The following MMEL1 variants were observed in gnomAD, a reference collection of about 807,000 sequenced individuals.
MMEL1 encodes the protein membrane metalloendopeptidase like 1, also known as membrane metallo-endopeptidase-like 1.
In MMEL1, 98 loss-of-function variants were observed where a neutral mutation model predicts 117.1. The observed-to-expected ratio is 0.84, with a 90% CI of 0.71 to 0.99. MMEL1 has a LOEUF of 0.99. Ranked by LOEUF, MMEL1 falls within the 50% of genes least tolerant of loss-of-function variation. The probability of loss-of-function intolerance (pLI) is 0.00; values close to 1 mark genes in which losing one functional copy is unlikely to be tolerated. For missense variants in MMEL1, 1,014 were observed against 1,049.1 expected (o/e 0.97, Z 0.46); for synonymous variants, 390 against 415.1 (o/e 0.94, Z 0.74).
intron 17 of MMEL1, among the ~76,000 whole-genome samples, 162 bp downstream of exon 17, chr1:2,594,628 G>T (rs1173203589): frequency 1.3e-5 from 2 of 152,218 alleles, no homozygotes; most frequent in African/African-American, 4.8e-5. Context: ...AAAGCAGAGG[G>T]TGATGGGGGA....
chr1:2,591,689 G>A, intron 22 of MMEL1, 56 bp from the exon 23 acceptor site: 2 of 1,276,096 alleles, frequency 1.6e-6, no homozygotes, highest in South Asian at 1.2e-5. Context: ...GCCAGGAGGG[G>A]TGGGGGAGGG....
chr1:2,630,733 G>A (rs1638525175), intron 1 of MMEL1, among the ~76,000 whole-genome samples: 1 of 149,442 alleles, frequency 6.7e-6, no homozygotes, highest in African/African-American at 2.5e-5. Flanking sequence ...TTGTGCACGT[G>A]TGCGTGTGCT....
intron 2 of MMEL1, among the ~76,000 whole-genome samples, chr1:2,626,734 A>G (rs950546423): frequency 1.3e-5 from 2 of 152,276 alleles, no homozygotes; most frequent in Non-Finnish European, 2.9e-5. Flanking sequence ...TTATAACTTT[A>G]AAAATAATTA....
At chr1:2,604,942 G>C (rs575383910) in intron 9 of MMEL1, among the ~76,000 whole-genome samples, 4 of 152,188 alleles carry the variant, frequency 2.6e-5, no homozygotes, top group Non-Finnish European at 4.4e-5. Flanking sequence ...TCTGGGCTTG[G>C]TCATCCTTCA....
chr1:2,591,885 T>A (rs1200821675), intron 22 of MMEL1, 47 bp downstream of exon 22: 1 of 1,567,696 alleles, frequency 6.4e-7, no homozygotes, highest in Non-Finnish European at 8.8e-7. Flanking sequence ...CCTCCAGAGA[T>A]GAGTGGGGAA....
At chr1:2,605,489 G>A (rs773141640) in intron 9 of MMEL1, 69 bp downstream of exon 9, 27 of 1,396,132 alleles carry the variant, frequency 1.9e-5, no homozygotes, top group South Asian at 3.6e-5. Flanking sequence ...GGTGGGCAAC[G>A]GGAAGGCCAG....
In MMEL1 at chr1:2,594,849, G is replaced by A; in HGVS notation, c.1629C>T (p.Asn543=). ...EDLYFENSLQ[N]LKVGAQRSLR... is the part of the protein sequence containing the mutation. Reference sequence around the variant, plus strand: ...GGCTCCGCTGGGCGCCCACCTTGAGGTTCTGCAGACTGTTCTCAAAGTACA... The same window carrying A: ...GGCTCCGCTGGGCGCCCACCTTGAGATTCTGCAGACTGTTCTCAAAGTACA... The change falls in exon 17 of 24, where the codon AAC becomes AAT. Residue 543 remains asparagine (N), a synonymous_variant. Coordinates refer to ENST00000378412, the MANE Select transcript of MMEL1 (RefSeq NM_033467.4). The A allele has an allele frequency of 6.2e-7, 1 of 1,614,048 alleles. No individual in the cohort carries two copies. Among genetic ancestry groups the A allele is most frequent in the Non-Finnish European group, 8.5e-7 (1 of 1,180,006 alleles).
intron 2 of MMEL1, among the ~76,000 whole-genome samples, chr1:2,615,399 C>G (rs1228468253): frequency 1.3e-5 from 2 of 152,180 alleles, no homozygotes; most frequent in East Asian, 3.8e-4. Flanking sequence ...TAGGCTAATT[C>G]CAACTGAGGG....
chr1:2,593,754 T>G (rs981022017), intron 19 of MMEL1, 60 bp downstream of exon 19: 22 of 1,512,582 alleles, frequency 1.5e-5, no homozygotes, highest in Admixed American at 2.0e-5. Flanking sequence ...CCAGGCCCCT[T>G]CCTGGCTGCT....
chr1:2,596,478 C>G, intron 14 of MMEL1, 83 bp downstream of exon 14: 2 of 1,537,936 alleles, frequency 1.3e-6, no homozygotes, highest in South Asian at 1.2e-5. Flanking sequence ...TGAGCCTGGG[C>G]GGGGTGGGAG....
intron 8 of MMEL1, 49 bp downstream of exon 8, chr1:2,606,199 G>A: frequency 6.8e-7 from 1 of 1,473,256 alleles, no homozygotes; most frequent in Non-Finnish European, 9.5e-7. Context: ...AGAGCCCCCA[G>A]CCAGGCTTGG....
rs189975951 is a variant in MMEL1 at position 2,624,943 on chromosome 1, C to T, written c.154+4388G>A. On this transcript the variant is annotated intron_variant, in intron 2 of 23. Transcript: ENST00000378412. ...GGTGGAGCAGGGGAGAGAGAGAGCG[C>T]GAAGGGGGAGGAGCTGCACACTTTC... is the stretch of plus-strand genomic sequence containing the variant. Among the ~76,000 whole-genome samples, 285 of 152,156 alleles carry T rather than the reference C, an allele frequency of 1.9e-3. 1 individual carries two copies. The highest frequency in any genetic ancestry group is 6.0e-3 in the African/African-American group (247 of 41,496).
At position 2,592,004 on chromosome 1, in the gene MMEL1, C is replaced by A; in HGVS notation, c.2091G>T (p.Glu697Asp). The A allele has an allele frequency of 6.2e-7, 1 of 1,613,266 alleles. No individual in the cohort carries two copies. The highest frequency in any genetic ancestry group is 8.5e-7 in the Non-Finnish European group (1 of 1,179,832). The stretch of plus-strand genomic sequence containing the variant: ...CGGGCAGCTGCTGGTCCTTGCCACC[C>A]TCTGCCATCCACTTGAGGTAGGCCT... Reference protein sequence around the residue: ...AYKAYLKWMAEGGKDQQLPGL... With the variant: ...AYKAYLKWMADGGKDQQLPGL... Residue 697 changes from glutamate (E) to aspartate (D), a missense_variant, in exon 22 of 24, where the codon GAG becomes GAT. By Grantham distance (45) the Glu-to-Asp change is conservative (BLOSUM62 2). Transcript: ENST00000378412.
intron 13 of MMEL1, among the ~76,000 whole-genome samples, chr1:2,597,904 C>T (rs906381093): frequency 1.3e-5 from 2 of 152,182 alleles, no homozygotes; most frequent in African/African-American, 2.4e-5. Context: ...TTTCTGCTCC[C>T]GGGAAATCAC....
At chr1:2,614,409 A>C (rs186731903) in intron 2 of MMEL1, among the ~76,000 whole-genome samples, 89 of 152,316 alleles carry the variant, frequency 5.8e-4, no homozygotes, top group South Asian at 1.7e-3. Flanking sequence ...AAACCACTGC[A>C]CATGTACATT....
intron 19 of MMEL1, 55 bp downstream of exon 19, chr1:2,593,759 G>T: frequency 2.0e-6 from 3 of 1,515,542 alleles, no homozygotes; most frequent in Non-Finnish European, 1.8e-6. Flanking sequence ...CCCCTTCCTG[G>T]CTGCTTCTCC....
chr1:2,624,169 C>T (rs1265345405), intron 2 of MMEL1, among the ~76,000 whole-genome samples: 2 of 152,214 alleles, frequency 1.3e-5, no homozygotes, highest in Admixed American at 1.3e-4. Context: ...TGACCAGCAA[C>T]AGCAACTCAC....
chr1:2,629,197 G>T, intron 2 of MMEL1, 134 bp downstream of exon 2: 1 of 956,906 alleles, frequency 1.0e-6, no homozygotes, highest in Non-Finnish European at 1.5e-6. Context: ...GCCCCTGGGT[G>T]CCCAGTGCAG....
chr1:2,625,500 G>A (rs1638234605), intron 2 of MMEL1, among the ~76,000 whole-genome samples: 1 of 152,218 alleles, frequency 6.6e-6, no homozygotes, highest in Non-Finnish European at 1.5e-5. Context: ...CAGATAGATA[G>A]GGATGCTGTT....
Sources: gnomAD v4.1 joint callset for allele counts (sites outside exome capture counted in the v4.1 genomes callset) on GRCh38, gnomAD v4.1.1 for gene constraint, MANE v1.5 for transcripts, NCBI Gene and HGNC (gene_info 2026-07-23, HGNC 2026-07-21) for gene names.